FSTL5: variants seen among roughly 807,000 people sequenced by gnomAD.
FSTL5 encodes follistatin like 5, also known as follistatin-related protein 5.
In FSTL5, 62 loss-of-function variants were observed where a neutral mutation model predicts 89.1. The observed-to-expected ratio is 0.70, with a 90% CI of 0.57 to 0.86. FSTL5 has a LOEUF of 0.86. FSTL5 is among the 40% of genes least tolerant of loss of function. The pLI, the probability that FSTL5 is intolerant of heterozygous loss-of-function variation, is 0.00. For synonymous variants in FSTL5, 383 were observed against 346.2 expected, an observed-to-expected ratio of 1.11 and a Z score of -1.18; for missense variants, 1,057 against 1,001.6, an observed-to-expected ratio of 1.06 and a Z score of -0.75.
intron 3 of FSTL5, among the ~76,000 whole-genome samples, chr4:161,960,381 G>C (rs543311460): frequency 5.2e-4 from 79 of 151,460 alleles, no homozygotes; most frequent in African/African-American, 1.8e-3. Flanking sequence ...TCACCATGTT[G>C]GTCAGGCTGG....
intron 10 of FSTL5, among the ~76,000 whole-genome samples, chr4:161,510,835 A>G (rs1246700527): frequency 1.3e-5 from 2 of 151,820 alleles, no homozygotes; most frequent in Admixed American, 6.6e-5. Context: ...AATAATCACA[A>G]TATATATTTT....
intron 3 of FSTL5, among the ~76,000 whole-genome samples, chr4:162,019,517 T>C (rs144384741): frequency 1.6e-3 from 237 of 152,190 alleles, no homozygotes; most frequent in African/African-American, 5.5e-3. Context: ...AAATGTATCA[T>C]ATTTCTACTT....
intron 7 of FSTL5, among the ~76,000 whole-genome samples, chr4:161,609,935 T>C (rs1292474829): frequency 2.6e-5 from 4 of 152,146 alleles, no homozygotes; most frequent in Admixed American, 2.6e-4. Flanking sequence ...TCACCAGACA[T>C]GCAAAAACAT....
chr4:162,126,073 TAAG>T (rs1472102668), intron 1 of FSTL5, among the ~76,000 whole-genome samples: 2 of 151,612 alleles, frequency 1.3e-5, no homozygotes, highest in East Asian at 3.9e-4. Flanking sequence ...ATGAAATTAA[TAAG>T]AATAATAATT....
At chr4:161,725,611 T>C (rs768003514) in intron 6 of FSTL5, among the ~76,000 whole-genome samples, 3 of 152,034 alleles carry the variant, frequency 2.0e-5, no homozygotes, top group Non-Finnish European at 4.4e-5. Flanking sequence ...ATTTTTAGTA[T>C]TGTTATTCAG....
intron 4 of FSTL5, among the ~76,000 whole-genome samples, chr4:161,870,371 CAA>C (rs1181638328): frequency 5.3e-5 from 8 of 151,060 alleles, no homozygotes; most frequent in Admixed American, 2.0e-4. Context: ...CACACACACA[CAA>C]AGAGAGAGCG....
At chr4:161,822,000 G>A (rs917683238) in intron 4 of FSTL5, among the ~76,000 whole-genome samples, 3 of 152,004 alleles carry the variant, frequency 2.0e-5, no homozygotes, top group Non-Finnish European at 4.4e-5. Context: ...GTTATCTAAG[G>A]ACTCTCCACA....
intron 2 of FSTL5, among the ~76,000 whole-genome samples, chr4:162,056,737 G>A (rs146148989): frequency 0.021 from 3,238 of 152,168 alleles, 63 homozygotes; most frequent in Non-Finnish European, 0.031. Context: ...CAGTGCTCAA[G>A]TAAGGAATAT....
At chr4:161,591,826 A>G (rs1733833714) in intron 7 of FSTL5, among the ~76,000 whole-genome samples, 1 of 152,178 alleles carries the variant, frequency 6.6e-6, no homozygotes, top group South Asian at 2.1e-4. Context: ...AAAAAACAAG[A>G]TCTATTAATA....
chr4:161,876,786 T>G (rs28630712), intron 4 of FSTL5, among the ~76,000 whole-genome samples: 37,927 of 151,968 alleles, frequency 0.25, 5,280 homozygotes, highest in Non-Finnish European at 0.3. Context: ...ATTTAATTTT[T>G]TAATAGTAGC....
Position 161,830,546 on chromosome 4 carries a change from TG to T in FSTL5, c.410-54473del, listed in dbSNP as rs1348325816. Among the ~76,000 whole-genome samples, 3 of 151,902 alleles carry T rather than the reference TG, an allele frequency of 2.0e-5. No homozygotes were observed. In the East Asian group the frequency reaches 5.8e-4, roughly 29 times the overall value. ...CTAGTTTCTCTGTTCATTTATGTTGTGGCCTAGGAAAGATACTTAGCATCTT... is the reference window on the plus strand; with the variant it reads ...CTAGTTTCTCTGTTCATTTATGTTGTGCCTAGGAAAGATACTTAGCATCTT... On this transcript the variant is annotated intron_variant, in intron 4 of 15. Coordinates refer to ENST00000306100, the MANE Select transcript of FSTL5 (RefSeq NM_020116.5).
intron 4 of FSTL5, among the ~76,000 whole-genome samples, chr4:161,821,060 CAG>C (rs1401373968): frequency 2.0e-5 from 3 of 151,984 alleles, no homozygotes; most frequent in South Asian, 2.1e-4. Context: ...TGTTTTGACA[CAG>C]AGTCTCATTC....
intron 12 of FSTL5, among the ~76,000 whole-genome samples, chr4:161,485,884 T>C (rs988029851): frequency 2.6e-5 from 4 of 152,158 alleles, no homozygotes; most frequent in African/African-American, 9.7e-5. Flanking sequence ...ACACCTGTAA[T>C]CACAGCACTT....
In FSTL5 at chr4:161,384,268, G is replaced by A. The variant is rs1211624045; in HGVS notation, c.*1479C>T. 1 of 151,954 alleles carries A rather than the reference G, an allele frequency of 6.6e-6. No individual in the cohort carries two copies. The highest frequency in any genetic ancestry group is 2.4e-5 in the African/African-American group (1 of 41,376). The allele number at this position is 151,954 out of a possible 1,614,324, so 9.4% of individuals were successfully genotyped here. ...GAGTAAAATTTGTATATTTAAAAAA[G>A]ACCTTATTGGATTACCTTAAGTAAA... On this transcript the variant is annotated 3_prime_UTR_variant, in exon 16 of 16. Transcript: ENST00000306100.
At chr4:161,415,699 G>T (rs77835790) in intron 15 of FSTL5, among the ~76,000 whole-genome samples, 1 of 149,510 alleles carries the variant, frequency 6.7e-6, no homozygotes, top group Non-Finnish European at 1.5e-5. Flanking sequence ...GAAAGAGAGA[G>T]AGAGAGAACA....
chr4:161,506,233 AT>A (rs35624791), intron 11 of FSTL5, among the ~76,000 whole-genome samples: 73,922 of 145,566 alleles, frequency 0.51, 18,690 homozygotes, highest in Middle Eastern at 0.61. Context: ...CACGCCCGGC[AT>A]TTTTTTTTTT....
At chr4:161,916,352 A>C (rs1166679130) in intron 4 of FSTL5, among the ~76,000 whole-genome samples, 3 of 152,154 alleles carry the variant, frequency 2.0e-5, no homozygotes, top group Admixed American at 6.5e-5. Context: ...TACTCTGAGT[A>C]GTATAGATGT....
chr4:162,104,407 C>T (rs891553445), intron 2 of FSTL5, among the ~76,000 whole-genome samples: 7 of 152,286 alleles, frequency 4.6e-5, no homozygotes, highest in East Asian at 1.9e-4. Flanking sequence ...TGGAAGCCTC[C>T]GGCTACCATC....
chr4:161,851,324 G>A (rs1731542318), intron 4 of FSTL5, among the ~76,000 whole-genome samples: 1 of 152,084 alleles, frequency 6.6e-6, no homozygotes, highest in African/African-American at 2.4e-5. Context: ...ATATCTAAAT[G>A]TGGGTTTCTT....
Sources: gnomAD v4.1 joint callset for allele counts (sites outside exome capture counted in the v4.1 genomes callset) on GRCh38, gnomAD v4.1.1 for gene constraint, MANE v1.5 for transcripts, NCBI Gene and HGNC (gene_info 2026-07-23, HGNC 2026-07-21) for gene names.